The following RAB3GAP2 variants were observed in gnomAD, a reference collection of about 807,000 sequenced individuals.
RAB3GAP2 encodes RAB3 GTPase activating non-catalytic protein subunit 2.
A neutral mutation model predicts 185.3 loss-of-function variants in RAB3GAP2; 87 were observed. The observed-to-expected ratio is 0.47, with a 90% CI of 0.39 to 0.56. RAB3GAP2 has a LOEUF of 0.56. Among genes scored for constraint, RAB3GAP2 ranks in the 20% least tolerant of loss-of-function variants. The probability of loss-of-function intolerance (pLI) is 0.00; values close to 1 mark genes in which losing one functional copy is unlikely to be tolerated. For synonymous variants in RAB3GAP2, 554 were observed against 576.1 expected, an observed-to-expected ratio of 0.96 and a Z score of 0.55; for missense variants, 1,492 against 1,638.2, an observed-to-expected ratio of 0.91 and a Z score of 1.54.
intron 8 of RAB3GAP2, 135 bp downstream of exon 8, chr1:220,205,772 C>T (rs1658952093): frequency 4.4e-6 from 3 of 683,372 alleles, no homozygotes; most frequent in Non-Finnish European, 7.7e-6. Flanking sequence ...CCTTTCTCTA[C>T]AGAAGGCAGG....
At chr1:220,238,426 C>T (rs1262330783) in intron 1 of RAB3GAP2, among the ~76,000 whole-genome samples, 1 of 152,154 alleles carries the variant, frequency 6.6e-6, no homozygotes, top group African/African-American at 2.4e-5. Flanking sequence ...ATTGGTTGCC[C>T]AGTTTTACCT....
chr1:220,148,773 AGAAG>A lies in RAB3GAP2; in HGVS notation c.*2474_*2477del, dbSNP rs1171516355. 5.9e-5 allele frequency: 9 copies of A among 152,204 alleles called. No homozygotes were observed. Among genetic ancestry groups the A allele is most frequent in the Admixed American group, 3.3e-4 (5 of 15,284 alleles). The allele number at this position is 152,204 out of a possible 1,614,324, so 9.4% of individuals were successfully genotyped here. A position where few individuals can be genotyped will look rare whatever the true frequency, so the allele number is the denominator to read the frequency against. On this transcript the variant is annotated 3_prime_UTR_variant, in exon 35 of 35. Transcript: ENST00000358951. ...CTGTTTGCAAAAGTATGAAGCATTA[AGAAG>A]CATGGTGCTATATATCTCTTTATCT... is the stretch of plus-strand genomic sequence containing the variant.
intron 24 of RAB3GAP2, 89 bp downstream of exon 24, chr1:220,170,803 C>T: frequency 1.9e-6 from 2 of 1,080,946 alleles, no homozygotes; most frequent in Admixed American, 2.0e-5. Context: ...GTGTATTTTT[C>T]TTTCTCTATT....
Position 220,167,312 on chromosome 1 carries a change from T to G in RAB3GAP2, c.3068A>C (p.Gln1023Pro), listed in dbSNP as rs1481735016. The G allele has an allele frequency of 6.2e-7, 1 of 1,613,936 alleles. No individual in the cohort carries two copies. The highest frequency in any genetic ancestry group is 1.1e-5 in the South Asian group (1 of 91,078). The change falls in exon 26 of 35, where the codon CAG becomes CCG. Residue 1023 changes from glutamine (Q) to proline (P), a missense_variant. Around this residue, in one of 5 missense-constraint regions of RAB3GAP2, gnomAD observed 387 missense variants for 455.3 expected, o/e 0.85. Transcript: ENST00000358951. ...TCTTACCTCTGGATCTTTATTCCAC[T>G]GAACAACGTACTCCCAGCAGCAATG... ...HAHCCWEYVV[Q>P]WNKDPEEARF...
Position 220,209,859 on chromosome 1 carries a change from C to T in RAB3GAP2, c.612+529G>A, listed in dbSNP as rs534487288. Among the ~76,000 whole-genome samples the T allele has an allele frequency of 1.1e-4, 16 of 152,294 alleles. No individual in the cohort carries two copies. The South Asian group carries it at 3.3e-3, about 32-fold the overall frequency. ...TTTGACTAAGACAACCAAAATGTTA[C>T]AAGGCACCTAAGAAGTTAGAGCCTT... On this transcript the variant is annotated intron_variant, in intron 7 of 34. Transcript: ENST00000358951.
intron 1 of RAB3GAP2, among the ~76,000 whole-genome samples, chr1:220,264,843 T>C (rs1660201823): frequency 1.3e-5 from 2 of 152,170 alleles, no homozygotes; most frequent in Admixed American, 6.5e-5. Flanking sequence ...TCTCCCATCA[T>C]GTGCCATATC....
At chr1:220,168,714 C>G (rs976018779) in intron 24 of RAB3GAP2, among the ~76,000 whole-genome samples, 4 of 152,144 alleles carry the variant, frequency 2.6e-5, no homozygotes, top group African/African-American at 9.7e-5. Context: ...TTTTAATAAT[C>G]AACAAATTTG....
rs138796052 is a variant in RAB3GAP2 at position 220,272,226 on chromosome 1, G to T, written c.112C>A (p.Pro38Thr). ...EILSGALRRD[P>T]SKSTDWEDDG... ...GCGAGGCCAGAGAGGCACTTACTGG[G>T]GTCCCTCCGCAAGGCGCCGCTGAGG... Residue 38 changes from proline to threonine, a missense_variant, in exon 1 of 35, where the codon CCC (proline) becomes ACC (threonine). Physicochemically the swap from Pro to Thr is conservative, Grantham distance 38. Coordinates refer to ENST00000358951, the MANE Select transcript of RAB3GAP2 (RefSeq NM_012414.4). 4 of 1,604,170 alleles carry T rather than the reference G, an allele frequency of 2.5e-6. No individual in the cohort carries two copies. In the South Asian group the frequency reaches 4.5e-5, roughly 18 times the overall value.
chr1:220,271,796 T>A (rs1406479345), intron 1 of RAB3GAP2, among the ~76,000 whole-genome samples: 1 of 150,190 alleles, frequency 6.7e-6, no homozygotes, highest in Non-Finnish European at 1.5e-5. Context: ...AATACCAGAG[T>A]GGAGCGCTGA....
chr1:220,164,928 G>T, intron 26 of RAB3GAP2, 129 bp from the exon 27 acceptor site: 1 of 843,852 alleles, frequency 1.2e-6, no homozygotes, highest in Non-Finnish European at 1.9e-6. Context: ...ATAATAACAT[G>T]AAATTATTGG....
At chr1:220,160,572 C>A (rs1341130065) in intron 28 of RAB3GAP2, among the ~76,000 whole-genome samples, 1 of 152,234 alleles carries the variant, frequency 6.6e-6, no homozygotes, top group Admixed American at 6.5e-5. Context: ...AAATTCACAG[C>A]CTGCACAGGA....
At chr1:220,210,323 A>G in intron 7 of RAB3GAP2, 65 bp downstream of exon 7, 1 of 1,180,114 alleles carries the variant, frequency 8.5e-7, no homozygotes, top group Non-Finnish European at 1.3e-6. Context: ...CTACCTAAAA[A>G]AGAGGAGAGA....
chr1:220,214,395 G>A lies in RAB3GAP2; in HGVS notation c.181-416C>T, dbSNP rs529864254. The stretch of plus-strand genomic sequence containing the variant: ...ACAAAAATTAGCCAGGTGTGGCGGC[G>A]CGTGCCTGTAATCCCAGCTACTCGG... On this transcript the variant is annotated intron_variant, in intron 2 of 34. Coordinates refer to ENST00000358951, the MANE Select transcript of RAB3GAP2 (RefSeq NM_012414.4). Among the ~76,000 whole-genome samples, 738 of 152,046 alleles carry A rather than the reference G, an allele frequency of 4.9e-3. 5 individuals carry two copies. Among genetic ancestry groups the A allele is most frequent in the African/African-American group, 0.016 (661 of 41,464 alleles).
At chr1:220,156,121 T>C (rs1285265750) in intron 31 of RAB3GAP2, among the ~76,000 whole-genome samples, 4 of 152,030 alleles carry the variant, frequency 2.6e-5, no homozygotes, top group South Asian at 2.1e-4. Flanking sequence ...TGGCTAGTTT[T>C]TGTGTTTTTA....
Position 220,195,161 on chromosome 1 carries a change from C to A in RAB3GAP2, c.1047G>T (p.Trp349Cys). 6.2e-7 allele frequency: 1 copy of A among 1,614,082 alleles called. No homozygotes were observed. The highest frequency in any genetic ancestry group is 8.5e-7 in the Non-Finnish European group (1 of 1,179,988). ...CTTCGTGCTTACTTTTCCAACCAAG[C>A]CAACCACTGAAAAGAAAGAAAACTT... ...TSALFNAASG[W>C]LGWKSKHEEE... The change falls in exon 12 of 35, where the codon TGG becomes TGT. Residue 349 changes from tryptophan (W) to cysteine (C), a missense_variant. This residue lies in a region of RAB3GAP2 where 243 missense variants were observed against 314.8 expected (regional missense o/e 0.77). Transcript: ENST00000358951.
intron 1 of RAB3GAP2, among the ~76,000 whole-genome samples, chr1:220,261,489 T>A (rs1660136333): frequency 6.6e-6 from 1 of 152,228 alleles, no homozygotes; most frequent in South Asian, 2.1e-4. Context: ...ACTTCCACTT[T>A]ACCCATCACT....
At chr1:220,272,198 A>C in intron 1 of RAB3GAP2, 25 bp downstream of exon 1, 2 of 1,564,802 alleles carry the variant, frequency 1.3e-6, no homozygotes, top group East Asian at 4.6e-5. Context: ...GAGGGAAGGA[A>C]GGGCGAGGCC....
chr1:220,153,870 C>T (rs952007605), intron 32 of RAB3GAP2, 98 bp downstream of exon 32: 17 of 1,528,286 alleles, frequency 1.1e-5, no homozygotes, highest in African/African-American at 8.2e-5. Flanking sequence ...TCTGTCCTTG[C>T]GATAGAAAGT....
intron 31 of RAB3GAP2, among the ~76,000 whole-genome samples, chr1:220,154,962 T>G (rs1224432402): frequency 6.6e-6 from 1 of 152,120 alleles, no homozygotes; most frequent in Non-Finnish European, 1.5e-5. Flanking sequence ...TGACCTCAGG[T>G]GATCTGCCCG....
Sources: gnomAD v4.1 joint callset for allele counts (sites outside exome capture counted in the v4.1 genomes callset) on GRCh38, gnomAD v4.1.1 for gene constraint, gnomAD v4.1.1 regional missense constraint, MANE v1.5 for transcripts, NCBI Gene and HGNC (gene_info 2026-07-23, HGNC 2026-07-21) for gene names.